Variants in CLEC20A observed in about 807,000 individuals in gnomAD.
CLEC20A encodes putative C-type lectin domain family 20 member A.
intron 5 of CLEC20A, chr1:178,483,521 G>A (rs970370547): frequency 2.0e-4 from 71 of 352,782 alleles, no homozygotes; most frequent in Non-Finnish European, 5.0e-5. Context: ...AGCCCCCCTG[G>A]CAGCAGGACC....
At chr1:178,489,639 C>T (rs1452233302) in intron 4 of CLEC20A, among the ~76,000 whole-genome samples, 1 of 152,182 alleles carries the variant, frequency 6.6e-6, no homozygotes, top group Non-Finnish European at 1.5e-5. Context: ...CTTACATTCA[C>T]TTTCTCATTC....
intron 4 of CLEC20A, 73 bp downstream of exon 4, chr1:178,489,999 C>T (rs1421394766): frequency 2.5e-6 from 1 of 398,160 alleles, no homozygotes; most frequent in Non-Finnish European, 4.4e-6. Flanking sequence ...TCATCTGCTG[C>T]CAAGTAAACC....
chr1:178,479,819 T>A (rs187434694), intron 7 of CLEC20A: 8,098 of 323,786 alleles, frequency 0.025, 117 homozygotes, highest in South Asian at 0.05. Flanking sequence ...AAAAAAAAAA[T>A]TTAATGACAA....
chr1:178,497,961 C>A (rs1024633762), upstream of CLEC20A, among the ~76,000 whole-genome samples: 19 of 151,848 alleles, frequency 1.3e-4, no homozygotes, highest in African/African-American at 4.4e-4. Flanking sequence ...GGGGAAGAAG[C>A]GGGTGAGGAG....
intron 3 of CLEC20A, among the ~76,000 whole-genome samples, chr1:178,490,856 T>C (rs1156364098): frequency 1.3e-5 from 2 of 152,234 alleles, no homozygotes; most frequent in Non-Finnish European, 2.9e-5. Flanking sequence ...GGGGAGATTA[T>C]GAGGAAGACA....
rs1029170542 is a variant in CLEC20A, at chr1:178,490,448, A to C, written c.464-11T>G. The C allele has an allele frequency of 2.5e-6, 1 of 398,566 alleles. No homozygotes were observed. Among genetic ancestry groups the C allele is most frequent in the African/African-American group, 2.1e-5 (1 of 48,658 alleles). 24.7% of individuals were successfully genotyped at this position (398,566 alleles called of 1,614,324 possible). On this transcript the variant is annotated splice_polypyrimidine_tract_variant and intron_variant, in intron 3 of 7. Coordinates refer to ENST00000623247, the Ensembl canonical transcript of CLEC20A. The stretch of plus-strand genomic sequence containing the variant: ...TGATCTGGACCACAGCTGGGGTCAA[A>C]GAATGTGGAGATCACTGGCCTGAGG...
At chr1:178,499,066 T>G (rs1446012299), upstream of CLEC20A, among the ~76,000 whole-genome samples, 1 of 151,868 alleles carries the variant, frequency 6.6e-6, no homozygotes, top group Non-Finnish European at 1.5e-5. Flanking sequence ...ATTTGGCCAC[T>G]CCCCCAGTCG....
In CLEC20A at chr1:178,483,201, T is replaced by G. The variant is rs1016892522; in HGVS notation, c.1010A>C (p.Lys337Thr). 3.5e-5 allele frequency: 14 copies of G among 398,538 alleles called. No individual in the cohort carries two copies. In the Admixed American group the frequency reaches 4.0e-4, roughly 11 times the overall value. The allele number at this position is 398,538 out of a possible 1,614,324, so 24.7% of individuals were successfully genotyped here. Residue 337 changes from lysine to threonine, a missense_variant, in exon 6 of 8, where the codon AAA (lysine) becomes ACA (threonine). Lys to Thr is a moderately conservative substitution (Grantham distance 78). Transcript: ENST00000623247. ...TGATTTTTGTGCTGATGTTTTTTCT[T>G]TAGATTCTGAACTCAGATGTTGGGC...
At chr1:178,493,430 C>G (rs950578180) in intron 2 of CLEC20A, 1 of 152,698 alleles carries the variant, frequency 6.5e-6, no homozygotes. Flanking sequence ...TTGGACTGAG[C>G]CTTGGCTGAC....
chr1:178,498,062 G>A (rs2101882004), upstream of CLEC20A, among the ~76,000 whole-genome samples: 1 of 152,044 alleles, frequency 6.6e-6, no homozygotes, highest in South Asian at 2.1e-4. Context: ...TGAGGGAGAG[G>A]GCTGTCATTT....
At chr1:178,483,083 A>G (rs763284800) in intron 6 of CLEC20A, 92 bp downstream of exon 6, 5 of 397,300 alleles carry the variant, frequency 1.3e-5, no homozygotes, top group Non-Finnish European at 2.2e-5. Context: ...TCTTTCATGA[A>G]AAGGTCTCAA....
At chr1:178,483,225 G>T (rs917609273) in exon 6 of CLEC20A, 1 of 398,444 alleles carries the variant, frequency 2.5e-6, no homozygotes, top group South Asian at 1.3e-4. Flanking sequence ...CAGATGTTGG[G>T]CCTCCGTGGC....
intron 7 of CLEC20A, chr1:178,480,345 AATTC>A (rs1648936296): frequency 6.6e-6 from 1 of 152,218 alleles, no homozygotes; most frequent in South Asian, 2.1e-4. Flanking sequence ...CAGAAGATGG[AATTC>A]CCTATTTCGA....
intron 4 of CLEC20A, 91 bp from the exon 5 acceptor site, chr1:178,488,690 T>A (rs1373295967): frequency 2.5e-6 from 1 of 398,138 alleles, no homozygotes; most frequent in Non-Finnish European, 4.4e-6. Context: ...CGCATTTGGT[T>A]GCCCATCATG....
At chr1:178,492,792 C>T (rs189358362) in intron 2 of CLEC20A, among the ~76,000 whole-genome samples, 1 of 152,320 alleles carries the variant, frequency 6.6e-6, no homozygotes, top group East Asian at 1.9e-4. Context: ...GGAGTCCTTG[C>T]TCTTGAAGAG....
intron 7 of CLEC20A, chr1:178,481,430 G>A (rs2102995226): frequency 6.6e-6 from 1 of 152,244 alleles, no homozygotes; most frequent in Non-Finnish European, 1.5e-5. Flanking sequence ...TTAAGATTGT[G>A]GCTAAATGGT....
At chr1:178,499,088 T>A (rs367937469), upstream of CLEC20A, among the ~76,000 whole-genome samples, 16 of 152,088 alleles carry the variant, frequency 1.1e-4, no homozygotes, top group East Asian at 1.6e-3. Context: ...CTCCCTCAAG[T>A]CTTTCCAGGA....
At chr1:178,479,573 T>G (rs905529236) in exon 8 of CLEC20A, 2 of 398,442 alleles carry the variant, frequency 5.0e-6, no homozygotes, top group African/African-American at 4.1e-5. Context: ...CATTTCAGTC[T>G]AAATTGTTCG....
At chr1:178,496,784 C>T in intron 1 of CLEC20A, 116 bp downstream of exon 1, 1 of 398,610 alleles carries the variant, frequency 2.5e-6, no homozygotes, top group Non-Finnish European at 4.4e-6. Flanking sequence ...TTTCTTTCCA[C>T]CTTGCCTCCC....
Sources: gnomAD v4.1 joint callset for allele counts (sites outside exome capture counted in the v4.1 genomes callset) on GRCh38, gnomAD v4.1.1 for gene constraint, MANE v1.5 for transcripts, NCBI Gene and HGNC (gene_info 2026-07-23, HGNC 2026-07-21) for gene names.